The following ABCC8 variants were observed in gnomAD, a reference collection of about 807,000 sequenced individuals.
ABCC8 encodes ATP binding cassette subfamily C member 8, also known as ATP-binding cassette sub-family C member 8.
A neutral mutation model predicts 188.0 loss-of-function variants in ABCC8; 137 were observed. The observed-to-expected ratio is 0.73, with a 90% CI of 0.63 to 0.84. The LOEUF (loss-of-function observed/expected upper bound fraction) is 0.84, where lower values mean the gene tolerates loss of function less well. ABCC8 is among the 40% of genes least tolerant of loss of function. ABCC8 has a pLI of 0.00. For synonymous variants in ABCC8, 797 were observed against 846.5 expected, an observed-to-expected ratio of 0.94 and a Z score of 1.01; for missense variants, 1,750 against 2,072.7, an observed-to-expected ratio of 0.84 and a Z score of 3.02.
chr11:17,448,483 G>T lies in ABCC8; in HGVS notation c.1332+33C>A, dbSNP rs768109509. On this transcript the variant is annotated intron_variant, in intron 8 of 38. Coordinates refer to ENST00000389817, the MANE Select transcript of ABCC8 (RefSeq NM_000352.6). ...GCAGATTCTGGTTGTGTGTCCTGCT[G>T]CCCCCCTCCCTTCCCCTCAGCCCAT... is the stretch of plus-strand genomic sequence containing the variant. The T allele has an allele frequency of 4.4e-6, 7 of 1,593,928 alleles. No homozygotes were observed. In the African/African-American group the frequency reaches 6.7e-5, roughly 15 times the overall value.
At chr11:17,415,369 C>T (rs1210430788) in intron 17 of ABCC8, 30 bp from the exon 18 acceptor site, 2 of 1,606,592 alleles carry the variant, frequency 1.2e-6, no homozygotes, top group Non-Finnish European at 1.7e-6. Flanking sequence ...GCATACTGAG[C>T]TCTCATGGGA....
rs756032046 is a variant in ABCC8, at chr11:17,431,006, T to C, written c.1672-47A>G. On this transcript the variant is annotated intron_variant, in intron 11 of 38. Transcript: ENST00000389817. The stretch of plus-strand genomic sequence containing the variant: ...AGGCCAGGGTGGCCCAGGGTGTGGG[T>C]CCCTCCCACACTGGAAACGCTCAGC... 7 of 1,605,524 alleles carry C rather than the reference T, an allele frequency of 4.4e-6. No homozygotes were observed. The South Asian group carries it at 5.5e-5, about 13-fold the overall frequency.
At chr11:17,417,146 C>A (rs769418751) in intron 16 of ABCC8, 184 bp from the exon 17 acceptor site, 9 of 833,936 alleles carry the variant, frequency 1.1e-5, no homozygotes, top group Non-Finnish European at 1.3e-5. Context: ...TCCCACAGCA[C>A]CTGGATGGGT....
chr11:17,439,139 C>T (rs1956216353), intron 10 of ABCC8, among the ~76,000 whole-genome samples: 1 of 151,940 alleles, frequency 6.6e-6, no homozygotes, highest in Non-Finnish European at 1.5e-5. Flanking sequence ...TCAACATCCA[C>T]TGAGCAACTT....
In ABCC8 at chr11:17,397,000, C is replaced by A; in HGVS notation, c.4035G>T (p.Gln1345His). ...CGTAGCGCACGCTCAGGTTCTGGATCTGGATCTTCCCTTGGTCTGGCCAGT... is the reference window on the plus strand; with the variant it reads ...CGTAGCGCACGCTCAGGTTCTGGATATGGATCTTCCCTTGGTCTGGCCAGT... ...PKNWPDQGKIQIQNLSVRYDS... is the reference protein window; with the variant it reads ...PKNWPDQGKIHIQNLSVRYDS... Residue 1345 changes from glutamine (Q) to histidine (H), a missense_variant, in exon 33 of 39, where the codon CAG becomes CAT. Gln to His is a conservative substitution (Grantham distance 24). Coordinates refer to ENST00000389817, the MANE Select transcript of ABCC8 (RefSeq NM_000352.6). 2 of 1,614,218 alleles carry A rather than the reference C, an allele frequency of 1.2e-6. No individual in the cohort carries two copies. Among genetic ancestry groups the A allele is most frequent in the South Asian group, 1.1e-5 (1 of 91,086 alleles).
chr11:17,473,557 C>T (rs911430393), intron 2 of ABCC8, among the ~76,000 whole-genome samples: 1 of 152,076 alleles, frequency 6.6e-6, no homozygotes, highest in Non-Finnish European at 1.5e-5. Flanking sequence ...GGGCGCTGGA[C>T]CTCAGATACT....
rs1386026998 is a variant in ABCC8, at chr11:17,395,251, C to T, written c.4332G>A (p.Lys1444=). Residue 1444 remains lysine, a synonymous_variant, in exon 36 of 39, where the codon AAG becomes AAA. Transcript: ENST00000389817. ...TIRFNLDPER[K]CSDSTLWEAL... ...CCTCCCACAGTGTGCTATCTGAGCA[C>T]TTCCTCTCAGGGTCCAGGTTAAATC... is the stretch of plus-strand genomic sequence containing the variant. 1.3e-6 allele frequency: 2 copies of T among 1,596,990 alleles called. No individual in the cohort carries two copies. Among genetic ancestry groups the T allele is most frequent in the African/African-American group, 1.3e-5 (1 of 74,750 alleles).
At position 17,404,558 on chromosome 11, in the gene ABCC8, C is replaced by T. The variant is rs754671453; in HGVS notation, c.3511G>A (p.Ala1171Thr). The T allele has an allele frequency of 3.1e-6, 5 of 1,614,026 alleles. No homozygotes were observed. The Admixed American group carries it at 5.0e-5, about 16-fold the overall frequency. The change falls in exon 28 of 39, where the codon GCC becomes ACC. Residue 1171 changes from alanine (A) to threonine (T), a missense_variant. Physicochemically the swap from Ala to Thr is moderately conservative, Grantham distance 58 (BLOSUM62 0). Transcript: ENST00000389817. The surrounding 1 kb of genome is among the most constrained non-coding windows in gnomAD (Gnocchi z 4.7). ...TTCTGGATGAAGTAGCACACGATGG[C>T]CAGGGGCAAGAGGGCCACGAGGAAC... Reference protein sequence around the residue: ...PVFLVALLPLAIVCYFIQKYF... With the variant: ...PVFLVALLPLTIVCYFIQKYF...
intron 16 of ABCC8, among the ~76,000 whole-genome samples, chr11:17,419,044 G>A (rs1485938535): frequency 6.6e-6 from 1 of 152,206 alleles, no homozygotes; most frequent in Non-Finnish European, 1.5e-5. Context: ...GTTTGCAAAT[G>A]TGACAGAGCT....
rs767963788 is a variant in ABCC8 at position 17,430,847 on chromosome 11, C to T, written c.1784G>A (p.Ser595Asn). ...AGCTTTGACGGTAGATCGGACCACA[C>T]TGGACAGCAGGAACAGCGGTGTGAC... ...ILVTPLFLLSSVVRSTVKALV... is the reference protein window; with the variant it reads ...ILVTPLFLLSNVVRSTVKALV... The change falls in exon 12 of 39, where the codon AGT becomes AAT. Residue 595 changes from serine to asparagine, a missense_variant. Ser to Asn is a conservative substitution (Grantham distance 46). Transcript: ENST00000389817. 1 of 1,614,120 alleles carries T rather than the reference C, an allele frequency of 6.2e-7. No homozygotes were observed. Among genetic ancestry groups the T allele is most frequent in the Non-Finnish European group, 8.5e-7 (1 of 1,180,050 alleles).
At chr11:17,394,612 G>A (rs1334276961) in intron 36 of ABCC8, 1 of 492,774 alleles carries the variant, frequency 2.0e-6, no homozygotes. Flanking sequence ...GGCACCCCTG[G>A]AGGTGTGTGC....
Position 17,427,905 on chromosome 11 carries a change from A to G in ABCC8, c.2078T>C (p.Ile693Thr). Residue 693 changes from isoleucine to threonine, a missense_variant, in exon 15 of 39, where the codon ATC becomes ACC. Coordinates refer to ENST00000389817, the MANE Select transcript of ABCC8 (RefSeq NM_000352.6). This position sits in a 1 kb window ranked among gnomAD's most constrained non-coding sequence, Gnocchi z 5.0. The part of the protein sequence containing the change: ...GGYFTWTPDG[I>T]PTLSNITIRI... Reference sequence around the variant, plus strand: ...AATGGTGATGTTGGACAGTGTGGGGATTCCATCTGGGGTCCACGTGAAGTA... The same window carrying G: ...AATGGTGATGTTGGACAGTGTGGGGGTTCCATCTGGGGTCCACGTGAAGTA... The G allele has an allele frequency of 6.2e-7, 1 of 1,613,942 alleles. No individual in the cohort carries two copies. The highest frequency in any genetic ancestry group is 8.5e-7 in the Non-Finnish European group (1 of 1,179,940).
intron 11 of ABCC8, 90 bp from the exon 12 acceptor site, chr11:17,431,049 A>C: frequency 6.4e-7 from 1 of 1,558,556 alleles, no homozygotes; most frequent in Non-Finnish European, 8.7e-7. Flanking sequence ...GGGAAATGAG[A>C]GGGCTGTCAG....
chr11:17,406,727 A>G lies in ABCC8; in HGVS notation c.3224T>C (p.Ile1075Thr), dbSNP rs745895362. The G allele has an allele frequency of 8.1e-6, 13 of 1,614,182 alleles. No homozygotes were observed. Among genetic ancestry groups the G allele is most frequent in the African/African-American group, 1.3e-5 (1 of 75,054 alleles). The change falls in exon 26 of 39, where the codon ATT becomes ACT. Residue 1075 changes from isoleucine (I) to threonine (T), a missense_variant. Physicochemically the swap from Ile to Thr is moderately conservative, Grantham distance 89. Transcript: ENST00000389817. ...MVFTVLCSLG[I>T]VLCLVTSVTV... Reference sequence around the variant, plus strand: ...GACAGACGTGACGAGGCACAGCACAATGCCCAGGCTGCAGAGCACCGTGAA... The same window carrying G: ...GACAGACGTGACGAGGCACAGCACAGTGCCCAGGCTGCAGAGCACCGTGAA...
At chr11:17,393,527 A>G (rs1337621265) in intron 38 of ABCC8, among the ~76,000 whole-genome samples, 170 bp downstream of exon 38, 2 of 152,106 alleles carry the variant, frequency 1.3e-5, no homozygotes, top group Non-Finnish European at 2.9e-5. Flanking sequence ...AAATCCTGCA[A>G]CCCAGGCTCC....
At position 17,428,347 on chromosome 11, in the gene ABCC8, C is replaced by G; in HGVS notation, c.1982G>C (p.Gly661Ala). 6.2e-7 allele frequency: 1 copy of G among 1,614,120 alleles called. No homozygotes were observed. The highest frequency in any genetic ancestry group is 1.3e-5 in the African/African-American group (1 of 75,042). ...ACTGGGGACCAGGCTCTGCAGTGGG[C>G]CGGTGAGGCCCCGACAATCCTCCCG... is the stretch of plus-strand genomic sequence containing the variant. The part of the protein sequence containing the change: ...PAREDCRGLT[G>A]PLQSLVPSAD... Residue 661 changes from glycine (G) to alanine (A), a missense_variant, in exon 14 of 39, where the codon GGC becomes GCC. Transcript: ENST00000389817.
In ABCC8 at chr11:17,394,396, G is replaced by T. The variant is rs1953796098; in HGVS notation, c.4415C>A (p.Ala1472Asp). Reference sequence around the variant, plus strand: ...ATTCTCCCCGCCTTCTGTGATGATGGCATCTGAAAACAGCCCGGGGAGATG... The same window carrying T: ...ATTCTCCCCGCCTTCTGTGATGATGTCATCTGAAAACAGCCCGGGGAGATG... ...VVKALPGGLDAIITEGGENFS... is the reference protein window; with the variant it reads ...VVKALPGGLDDIITEGGENFS... Residue 1472 changes from alanine to aspartate, a missense_variant, in exon 37 of 39, where the codon GCC (alanine) becomes GAC (aspartate). Ala to Asp is a moderately radical substitution (Grantham distance 126). Coordinates refer to ENST00000389817, the MANE Select transcript of ABCC8 (RefSeq NM_000352.6). 1 of 1,614,190 alleles carries T rather than the reference G, an allele frequency of 6.2e-7. No individual in the cohort carries two copies. The highest frequency in any genetic ancestry group is 8.5e-7 in the Non-Finnish European group (1 of 1,180,048).
Position 17,427,828 on chromosome 11 carries a change from A to G in ABCC8, c.2116+39T>C, listed in dbSNP as rs200524464. 59 of 1,611,470 alleles carry G rather than the reference A, an allele frequency of 3.7e-5. 1 individual carries two copies. The South Asian group carries it at 5.4e-4, about 15-fold the overall frequency. On this transcript the variant is annotated intron_variant, in intron 15 of 38. Coordinates refer to ENST00000389817, the MANE Select transcript of ABCC8 (RefSeq NM_000352.6). This position sits in a 1 kb window ranked among gnomAD's most constrained non-coding sequence, Gnocchi z 5.0. ...TTATCTCTATGTTATTCAGTGGGAC[A>G]TGGGGAGGGGCATGCTGGAGGGGTG...
chr11:17,397,336 G>A (rs778915075), intron 31 of ABCC8, 23 bp from the exon 32 acceptor site: 9 of 1,607,302 alleles, frequency 5.6e-6, no homozygotes, highest in South Asian at 1.1e-5. Flanking sequence ...AGCCAGTGGC[G>A]CACACTCCAT....
Sources: allele counts gnomAD v4.1 joint callset (sites outside exome capture counted in the v4.1 genomes callset), GRCh38; gene constraint gnomAD v4.1.1; non-coding constraint Gnocchi (gnomAD v3.1); transcripts MANE v1.5; gene names NCBI Gene and HGNC (gene_info 2026-07-23, HGNC 2026-07-21).